AUH: variants seen among roughly 807,000 people sequenced by gnomAD.
The protein encoded by AUH is AU RNA binding methylglutaconyl-CoA hydratase.
AUH carries 29 observed loss-of-function variants against 42.3 expected under a neutral mutation model. The observed-to-expected ratio is 0.69, with a 90% CI of 0.51 to 0.93. AUH has a LOEUF of 0.93. Ranked by LOEUF, AUH falls within the 40% of genes least tolerant of loss-of-function variation. The pLI, the probability that AUH is intolerant of heterozygous loss-of-function variation, is 0.00. For missense variants in AUH, 452 were observed against 438.1 expected, an observed-to-expected ratio of 1.03 and a Z score of -0.28; for synonymous variants, 174 against 166.4, an observed-to-expected ratio of 1.05 and a Z score of -0.35.
At chr9:91,307,898 G>C (rs80032512) in intron 4 of AUH, among the ~76,000 whole-genome samples, 2,048 of 152,232 alleles carry the variant, frequency 0.013, 52 homozygotes, top group African/African-American at 0.047. Context: ...TGGGAGAAGA[G>C]AAAGGTGGGA....
intron 6 of AUH, among the ~76,000 whole-genome samples, chr9:91,259,168 T>C (rs529246567): frequency 1.3e-5 from 2 of 152,298 alleles, no homozygotes; most frequent in Admixed American, 6.5e-5. Flanking sequence ...TGTGGAAAAA[T>C]TCTTAATTAC....
intron 6 of AUH, among the ~76,000 whole-genome samples, chr9:91,288,477 T>C (rs950988570): frequency 2.0e-5 from 3 of 152,060 alleles, no homozygotes; most frequent in African/African-American, 7.2e-5. Context: ...TGTACAAAAA[T>C]CCCCAATAAA....
intron 6 of AUH, among the ~76,000 whole-genome samples, chr9:91,244,735 A>C (rs1828703019): frequency 6.6e-6 from 1 of 152,150 alleles, no homozygotes. Context: ...TTCCAGGAGA[A>C]TGTGTGAAGG....
intron 6 of AUH, among the ~76,000 whole-genome samples, chr9:91,252,407 T>C (rs929803191): frequency 3.9e-5 from 6 of 152,210 alleles, no homozygotes; most frequent in Non-Finnish European, 8.8e-5. Flanking sequence ...GTTCTTATTA[T>C]GTGCCAGGCC....
chr9:91,314,605 C>A (rs1829002449), intron 4 of AUH, among the ~76,000 whole-genome samples: 1 of 151,994 alleles, frequency 6.6e-6, no homozygotes, highest in Admixed American at 6.6e-5. Flanking sequence ...TTCTAAGCCC[C>A]TCAACCAACT....
At position 91,214,300 on chromosome 9, in the gene AUH, C is replaced by A. The variant is rs369285903; in HGVS notation, c.*48G>T. On this transcript the variant is annotated 3_prime_UTR_variant, in exon 10 of 10. Transcript: ENST00000375731. ...CATATAGTGGATCCGAAAGACACTT[C>A]CAGGAAGTACATTTATTACATTGGC... 2 of 1,506,356 alleles carry A rather than the reference C, an allele frequency of 1.3e-6. No individual in the cohort carries two copies. The highest frequency in any genetic ancestry group is 1.8e-5 in the Admixed American group (1 of 56,772). 93.3% of individuals were successfully genotyped at this position (1,506,356 alleles called of 1,614,324 possible).
At chr9:91,228,081 G>A (rs1312598747) in intron 6 of AUH, among the ~76,000 whole-genome samples, 1 of 152,198 alleles carries the variant, frequency 6.6e-6, no homozygotes, top group Admixed American at 6.5e-5. Flanking sequence ...ATGAGTTAGG[G>A]AGGATTCCCT....
chr9:91,303,562 C>T (rs1587817343), intron 4 of AUH, among the ~76,000 whole-genome samples: 1 of 152,136 alleles, frequency 6.6e-6, no homozygotes, highest in African/African-American at 2.4e-5. Context: ...AATCTGACCT[C>T]GTGATCCACC....
At chr9:91,243,778 C>T (rs550896298) in intron 6 of AUH, among the ~76,000 whole-genome samples, 5 of 151,998 alleles carry the variant, frequency 3.3e-5, no homozygotes, top group Non-Finnish European at 5.9e-5. Context: ...TAACAGAAAA[C>T]GAGCAGCAAA....
chr9:91,276,199 C>T (rs1407567010), intron 6 of AUH, among the ~76,000 whole-genome samples: 3 of 152,124 alleles, frequency 2.0e-5, no homozygotes, highest in Non-Finnish European at 4.4e-5. Context: ...AAGGCCAAGG[C>T]AGGCGGATCA....
In AUH at chr9:91,242,167, C is replaced by CT. The variant is rs887431912; in HGVS notation, c.656-21176dup. Among the ~76,000 whole-genome samples, 5 of 152,296 alleles carry CT rather than the reference C, an allele frequency of 3.3e-5. No homozygotes were observed. In the East Asian group the frequency reaches 7.7e-4, roughly 24 times the overall value. On this transcript the variant is annotated intron_variant, in intron 6 of 9. Coordinates refer to ENST00000375731, the MANE Select transcript of AUH (RefSeq NM_001698.3). ...GCGAGTGAGTCAAGGAAGCCATAGT[C>CT]TTTTTACAACCTATCTGAGAGGTGA...
At chr9:91,235,598 T>A (rs956520807) in intron 6 of AUH, among the ~76,000 whole-genome samples, 1 of 152,146 alleles carries the variant, frequency 6.6e-6, no homozygotes, top group African/African-American at 2.4e-5. Flanking sequence ...CTGAATAAGA[T>A]CACTTAGGGA....
intron 5 of AUH, among the ~76,000 whole-genome samples, chr9:91,297,447 T>C (rs1050327058): frequency 1.3e-5 from 2 of 152,148 alleles, no homozygotes; most frequent in Admixed American, 1.3e-4. Flanking sequence ...CTGTAGCAAA[T>C]GGTGATTTAG....
chr9:91,217,256 C>T, intron 8 of AUH, 21 bp downstream of exon 8: 1 of 1,610,170 alleles, frequency 6.2e-7, no homozygotes, highest in Non-Finnish European at 8.5e-7. Context: ...CCAAAACAAA[C>T]TCAAGCATTA....
chr9:91,267,979 T>C (rs1830067719), intron 6 of AUH, among the ~76,000 whole-genome samples: 1 of 152,188 alleles, frequency 6.6e-6, no homozygotes, highest in South Asian at 2.1e-4. Context: ...TCTATCCTCC[T>C]AACTTCCAGT....
chr9:91,349,226 A>G (rs1831763552), intron 3 of AUH, among the ~76,000 whole-genome samples: 1 of 152,226 alleles, frequency 6.6e-6, no homozygotes, highest in Non-Finnish European at 1.5e-5. Flanking sequence ...CTCTTTAGTC[A>G]TAACATAATT....
At chr9:91,309,996 G>A (rs1192295404) in intron 4 of AUH, among the ~76,000 whole-genome samples, 2 of 151,894 alleles carry the variant, frequency 1.3e-5, no homozygotes, top group Non-Finnish European at 2.9e-5. Context: ...GCTTCACATA[G>A]CATTAACATT....
intron 4 of AUH, among the ~76,000 whole-genome samples, chr9:91,317,980 T>C (rs1564095457): frequency 6.6e-6 from 1 of 152,240 alleles, no homozygotes; most frequent in Non-Finnish European, 1.5e-5. Flanking sequence ...ATTTGGTCTT[T>C]TGTTACAATC....
At chr9:91,312,323 G>T (rs1370018561) in intron 4 of AUH, among the ~76,000 whole-genome samples, 5 of 152,192 alleles carry the variant, frequency 3.3e-5, no homozygotes, top group African/African-American at 1.2e-4. Context: ...TATAACAGGA[G>T]GCAAGAGGGG....
Sources: allele counts gnomAD v4.1 joint callset (sites outside exome capture counted in the v4.1 genomes callset), GRCh38; gene constraint gnomAD v4.1.1; transcripts MANE v1.5; gene names NCBI Gene and HGNC (gene_info 2026-07-23, HGNC 2026-07-21).